The following PREPL variants were observed in gnomAD, a reference collection of about 807,000 sequenced individuals.
The protein encoded by PREPL is prolyl endopeptidase-like.
In PREPL, 77 loss-of-function variants were observed where a neutral mutation model predicts 70.6. That is an observed-to-expected ratio of 1.09 (90% CI 0.91 to 1.32). PREPL has a LOEUF of 1.32. Ranked by LOEUF, PREPL falls within the 40% of genes most tolerant of loss-of-function variation. The probability of loss-of-function intolerance (pLI) is 0.00; values close to 1 mark genes in which losing one functional copy is unlikely to be tolerated. For missense variants in PREPL, 1,002 were observed against 778.2 expected, an observed-to-expected ratio of 1.29 and a Z score of -3.42; for synonymous variants, 315 against 264.8, an observed-to-expected ratio of 1.19 and a Z score of -1.84.
In PREPL at chr2:44,320,120, C is replaced by T; in HGVS notation, c.*1236G>A. 1 of 1,285,248 alleles carries T rather than the reference C, an allele frequency of 7.8e-7. No individual in the cohort carries two copies. The highest frequency in any genetic ancestry group is 1.1e-6 in the Non-Finnish European group (1 of 923,990). The allele number at this position is 1,285,248 out of a possible 1,614,324, so 79.6% of individuals were successfully genotyped here. A position where few individuals can be genotyped will look rare whatever the true frequency, so the allele number is the denominator to read the frequency against. On this transcript the variant is annotated 3_prime_UTR_variant, in exon 14 of 14. Transcript: ENST00000409411. ...TGGAGCAAGTGTTTTGGGTAAATAA[C>T]TCCTTACAATATATTAAAAATACTT...
rs1471109414 is a variant in PREPL at position 44,332,403 on chromosome 2, G to C, written c.1086+56C>G. ...TAACTCCAACAACTGCATGGCATCT[G>C]GCAAACGGTATGCTTTCAGTAAATG... On this transcript the variant is annotated intron_variant, in intron 8 of 13. Coordinates refer to ENST00000409411, the MANE Select transcript of PREPL (RefSeq NM_001171613.2). 12 of 1,463,674 alleles carry C rather than the reference G, an allele frequency of 8.2e-6. 1 individual carries two copies. The East Asian group carries it at 2.7e-4, about 33-fold the overall frequency. The allele number at this position is 1,463,674 out of a possible 1,614,324, so 90.7% of individuals were successfully genotyped here.
intron 5 of PREPL, among the ~76,000 whole-genome samples, chr2:44,339,568 A>G (rs1385693473): frequency 6.6e-6 from 1 of 152,238 alleles, no homozygotes; most frequent in African/African-American, 2.4e-5. Flanking sequence ...ATTCAAAATA[A>G]TTTACTTCTA....
In PREPL at chr2:44,317,724, TAGA is replaced by T. The variant is rs1385896582; in HGVS notation, c.*3629_*3631del. On this transcript the variant is annotated 3_prime_UTR_variant, in exon 14 of 14. Coordinates refer to ENST00000409411, the MANE Select transcript of PREPL (RefSeq NM_001171613.2). ...CAATTTTCAAATTTTCAAAGAATAC[TAGA>T]AGAAAAAAATTATACAGTCAATCCA... is the stretch of plus-strand genomic sequence containing the variant. The T allele has an allele frequency of 2.9e-4, 44 of 152,204 alleles. No homozygotes were observed. The highest frequency in any genetic ancestry group is 1.0e-3 in the African/African-American group (42 of 41,332). The allele number at this position is 152,204 out of a possible 1,614,324, so 9.4% of individuals were successfully genotyped here.
At chr2:44,352,261 ATTCT>A (rs1327136184) in intron 1 of PREPL, among the ~76,000 whole-genome samples, 1 of 151,742 alleles carries the variant, frequency 6.6e-6, no homozygotes, top group African/African-American at 2.4e-5. Flanking sequence ...CATTCATGTA[ATTCT>A]TTTTATTTTT....
Position 44,321,395 on chromosome 2 carries a change from G to A in PREPL, c.1878C>T (p.Thr626=), listed in dbSNP as rs1024993508. Residue 626 remains threonine (T), a synonymous_variant, in exon 14 of 14, where the codon ACC becomes ACT. Transcript: ENST00000409411. ...ATTTCTTAAGATCCTCGAAAACACTGGTGCTGTCAAGTCCAAGTTCCTCGT... is the reference window on the plus strand; with the variant it reads ...ATTTCTTAAGATCCTCGAAAACACTAGTGCTGTCAAGTCCAAGTTCCTCGT... ...FLYEELGLDS[T]SVFEDLKKYL... is the part of the protein sequence containing the mutation. 5 of 1,612,718 alleles carry A rather than the reference G, an allele frequency of 3.1e-6. No homozygotes were observed. The South Asian group carries it at 5.5e-5, about 18-fold the overall frequency.
At position 44,321,336 on chromosome 2, in the gene PREPL, TC is replaced by T; in HGVS notation, c.*19del. The T allele has an allele frequency of 6.4e-7, 1 of 1,564,878 alleles. No homozygotes were observed. Among genetic ancestry groups the T allele is most frequent in the African/African-American group, 1.4e-5 (1 of 73,896 alleles). ...TGAAATATTTCAGTGTGTTTCCAAT[TC>T]CCAGTTGAATGCAGTGTTTCAGAAT... On this transcript the variant is annotated 3_prime_UTR_variant, in exon 14 of 14. Transcript: ENST00000409411.
chr2:44,341,158 T>C (rs571582606), intron 5 of PREPL, among the ~76,000 whole-genome samples: 85 of 152,256 alleles, frequency 5.6e-4, no homozygotes, highest in African/African-American at 2.0e-3. Flanking sequence ...TTTCATCTTA[T>C]TAAAAAATTA....
intron 8 of PREPL, among the ~76,000 whole-genome samples, chr2:44,330,891 CA>C (rs1158767552): frequency 6.6e-6 from 1 of 152,138 alleles, no homozygotes; most frequent in Non-Finnish European, 1.5e-5. Flanking sequence ...CTCTACTCCT[CA>C]CCCTGCCAAT....
At chr2:44,328,014 G>T (rs564391967) in intron 9 of PREPL, among the ~76,000 whole-genome samples, 2 of 147,956 alleles carry the variant, frequency 1.4e-5, no homozygotes, top group African/African-American at 5.0e-5. Flanking sequence ...GGGCTGGTAC[G>T]GTGGCTCATG....
chr2:44,342,939 TCTC>T (rs1251814693), intron 4 of PREPL, among the ~76,000 whole-genome samples: 1 of 152,168 alleles, frequency 6.6e-6, no homozygotes, highest in Non-Finnish European at 1.5e-5. Context: ...GTGTAAACCT[TCTC>T]TGTCTGCTTT....
chr2:44,323,161 A>T (rs1673150246), intron 11 of PREPL, 101 bp downstream of exon 11: 1 of 1,187,030 alleles, frequency 8.4e-7, no homozygotes. Context: ...ATAAGTAGAA[A>T]CATCTCTAAA....
chr2:44,361,140 G>A (rs1677737575), intron 1 of PREPL, among the ~76,000 whole-genome samples: 2 of 152,226 alleles, frequency 1.3e-5, no homozygotes, highest in Admixed American at 1.3e-4. Context: ...CAGTATGCAA[G>A]GCTAGGATGG....
At chr2:44,329,612 T>C (rs1401139523) in intron 8 of PREPL, among the ~76,000 whole-genome samples, 2 of 152,138 alleles carry the variant, frequency 1.3e-5, no homozygotes, top group Non-Finnish European at 2.9e-5. Context: ...ACCTGAAATC[T>C]TACTGATGTT....
chr2:44,353,873 T>A (rs1400051044), intron 1 of PREPL, among the ~76,000 whole-genome samples: 1 of 151,160 alleles, frequency 6.6e-6, no homozygotes, highest in Non-Finnish European at 1.5e-5. Flanking sequence ...TCAAAATGGG[T>A]CATAGGGCTG....
chr2:44,347,850 A>G (rs1410517531), intron 1 of PREPL, among the ~76,000 whole-genome samples: 1 of 152,268 alleles, frequency 6.6e-6, no homozygotes. Flanking sequence ...TACAGTTTAT[A>G]TTACAAAGAG....
rs543734245 is a variant in PREPL at position 44,346,784 on chromosome 2, G to A, written c.-48-394C>T. Among the ~76,000 whole-genome samples the A allele has an allele frequency of 4.0e-5, 6 of 151,850 alleles. 1 individual carries two copies. The South Asian group carries it at 8.3e-4, about 21-fold the overall frequency. ...AATCAGGTAGAGAAAAAAATCTTTC[G>A]CGTTTAGGAAGTACTGAAGTACTTC... On this transcript the variant is annotated intron_variant, in intron 1 of 13. Transcript: ENST00000409411.
At chr2:44,324,995 C>T (rs544927913) in intron 10 of PREPL, among the ~76,000 whole-genome samples, 1 of 152,274 alleles carries the variant, frequency 6.6e-6, no homozygotes, top group South Asian at 2.1e-4. Context: ...TGTTAACATA[C>T]TTTTTAGCTT....
At chr2:44,323,129 G>T in intron 11 of PREPL, 133 bp downstream of exon 11, 2 of 905,218 alleles carry the variant, frequency 2.2e-6, no homozygotes, top group Non-Finnish European at 3.3e-6. Context: ...AGCAGAGATG[G>T]TGCTGAAGAT....
At chr2:44,337,146 G>T (rs1486756569) in intron 7 of PREPL, among the ~76,000 whole-genome samples, 1 of 152,020 alleles carries the variant, frequency 6.6e-6, no homozygotes, top group South Asian at 2.1e-4. Flanking sequence ...ATAATTAACA[G>T]TTTCCTGAAC....
Sources: allele counts gnomAD v4.1 joint callset (sites outside exome capture counted in the v4.1 genomes callset), GRCh38; gene constraint gnomAD v4.1.1; transcripts MANE v1.5; gene names NCBI Gene and HGNC (gene_info 2026-07-23, HGNC 2026-07-21).